Variants in GPC3 observed in about 807,000 individuals in gnomAD.
GPC3 encodes glypican-3.
A neutral mutation model predicts 34.4 loss-of-function variants in GPC3; 3 were observed. The ratio of observed to expected loss-of-function variants is 0.09; its 90% CI spans 0.04 to 0.23. GPC3 has a LOEUF of 0.23. Ranked by LOEUF, GPC3 falls within the 10% of genes least tolerant of loss-of-function variation. GPC3 has a pLI of 1.00. For synonymous variants in GPC3, 177 were observed against 174.0 expected (o/e 1.02, Z -0.13); for missense variants, 351 against 445.6 (o/e 0.79, Z 1.91).
intron 5 of GPC3, among the ~76,000 whole-genome samples, chrX:133,667,925 G>A (rs994667886): frequency 9.4e-6 from 1 of 106,093 alleles, no homozygotes; most frequent in African/African-American, 3.4e-5. Context: ...TTTTTGAGAT[G>A]GAGTCTCGCT....
At chrX:133,983,972 G>A (rs1264445259) in intron 1 of GPC3, among the ~76,000 whole-genome samples, 3 of 113,142 alleles carry the variant, frequency 2.7e-5, no homozygotes, top group Non-Finnish European at 5.6e-5. Flanking sequence ...AGGCTCACTC[G>A]GCTCTTTTCA....
At chrX:133,791,807 T>C in intron 2 of GPC3, among the ~76,000 whole-genome samples, 1 of 16,611 alleles carries the variant, frequency 6.0e-5, no homozygotes, top group African/African-American at 9.7e-5. Context: ...TTTCCTTCCT[T>C]CCTTCCTTCC....
rs1556115807 is a variant in GPC3 at position 133,540,955 on chromosome X, T to TGC, written c.1574-4664_1574-4663dup. Among the ~76,000 whole-genome samples the TGC allele has an allele frequency of 7.6e-3, 747 of 97,901 alleles. 9 individuals are homozygous for TGC. The highest frequency in any genetic ancestry group is 0.027 in the African/African-American group (694 of 26,126). 85.0% of individuals were successfully genotyped at this position (97,901 alleles called of 115,157 possible). A position where few individuals can be genotyped will look rare whatever the true frequency, so the allele number is the denominator to read the frequency against. On this transcript the variant is annotated intron_variant, in intron 7 of 7. Transcript: ENST00000370818. ...GTGTGTGTGTGTGTGTGTGTGTGTGTGCGCGCACTGTGGGGGAAGAGGTGG... is the reference window on the plus strand; with the variant it reads ...GTGTGTGTGTGTGTGTGTGTGTGTGTGCGCGCGCACTGTGGGGGAAGAGGTGG...
rs1478615335 is a variant in GPC3 at position 133,985,402 on chromosome X, G to C, written c.48C>G (p.Leu16=). The stretch of plus-strand genomic sequence containing the variant: ...GCGCCTGTCCCGGGAAGTCCAAGCT[G>C]AGCAGCATCGCCACCACCAAGCACG... ...RTACLVVAML[L]SLDFPGQAQP... is the part of the protein sequence containing the mutation. Residue 16 remains leucine (L), a synonymous_variant, in exon 1 of 8, where the codon CTC becomes CTG. Transcript: ENST00000370818. 1 of 1,188,513 alleles carries C rather than the reference G, an allele frequency of 8.4e-7. No individual in the cohort carries two copies. Among genetic ancestry groups the C allele is most frequent in the East Asian group, 3.1e-5 (1 of 32,598 alleles).
At position 133,800,339 on chromosome X, in the gene GPC3, C is replaced by T. The variant is rs998846712; in HGVS notation, c.338-46163G>A. 5.3e-5 allele frequency among the ~76,000 whole-genome samples: 6 copies of T among 112,487 alleles called. 1 individual carries two copies. The highest frequency in any genetic ancestry group is 1.6e-4 in the African/African-American group (5 of 30,965). ...ATGTCCATTTCTTCAACACAGAGAA[C>T]AAGCAATATTTTGTGAATTCCAGAC... On this transcript the variant is annotated intron_variant, in intron 2 of 7. Coordinates refer to ENST00000370818, the MANE Select transcript of GPC3 (RefSeq NM_004484.4).
chrX:133,763,151 C>T (rs890505856), intron 2 of GPC3: 28 of 729,989 alleles, frequency 3.8e-5, no homozygotes, highest in South Asian at 2.1e-4. Context: ...TTTCAGGAGC[C>T]GCAGCTTCTT....
At chrX:133,548,032 A>G (rs1179211625) in intron 7 of GPC3, among the ~76,000 whole-genome samples, 1 of 111,503 alleles carries the variant, frequency 9.0e-6, no homozygotes, top group Non-Finnish European at 1.9e-5. Flanking sequence ...TGTAACTCAT[A>G]CAAAGGCTGC....
At chrX:133,740,557 C>T (rs2071554754) in intron 3 of GPC3, among the ~76,000 whole-genome samples, 1 of 111,990 alleles carries the variant, frequency 8.9e-6, no homozygotes, top group African/African-American at 3.2e-5. Context: ...CAGGTTGCTA[C>T]AGTCAAGAAA....
At chrX:133,628,293 T>A (rs908425679) in intron 6 of GPC3, among the ~76,000 whole-genome samples, 11 of 112,307 alleles carry the variant, frequency 9.8e-5, no homozygotes, top group African/African-American at 3.6e-4. Flanking sequence ...TAGAGAACCA[T>A]GAAATAAACT....
chrX:133,831,922 T>A (rs2075777152), intron 2 of GPC3, among the ~76,000 whole-genome samples: 1 of 111,882 alleles, frequency 8.9e-6, no homozygotes, highest in African/African-American at 3.3e-5. Context: ...TCTTATGAAG[T>A]AAATACCACC....
At chrX:133,776,762 G>A (rs765720510) in intron 2 of GPC3, among the ~76,000 whole-genome samples, 29 of 110,843 alleles carry the variant, frequency 2.6e-4, no homozygotes, top group Non-Finnish European at 5.1e-4. Flanking sequence ...AATACCTTAT[G>A]ACCTAAGAGA....
intron 4 of GPC3, among the ~76,000 whole-genome samples, chrX:133,693,893 G>A (rs1043745210): frequency 9.0e-6 from 1 of 111,072 alleles, no homozygotes; most frequent in African/African-American, 3.3e-5. Flanking sequence ...AGCCTGGGTT[G>A]GTTCTCCAGG....
At chrX:133,629,657 G>A (rs2070345438) in intron 6 of GPC3, among the ~76,000 whole-genome samples, 1 of 108,977 alleles carries the variant, frequency 9.2e-6, no homozygotes, top group Non-Finnish European at 1.9e-5. Context: ...GCCTCCCAAA[G>A]TGCTGGGATT....
intron 2 of GPC3, among the ~76,000 whole-genome samples, chrX:133,780,822 T>A (rs1192704332): frequency 1.8e-5 from 2 of 111,329 alleles, no homozygotes; most frequent in Non-Finnish European, 3.8e-5. Context: ...AGAACGATGA[T>A]CTTGAGTGCC....
At chrX:133,809,738 C>T (rs1292895403) in intron 2 of GPC3, among the ~76,000 whole-genome samples, 2 of 111,777 alleles carry the variant, frequency 1.8e-5, no homozygotes, top group African/African-American at 6.5e-5. Context: ...ACATTAAGGG[C>T]CCTGTATCAG....
At chrX:133,978,274 C>G (rs1461420532) in intron 1 of GPC3, among the ~76,000 whole-genome samples, 1 of 112,013 alleles carries the variant, frequency 8.9e-6, no homozygotes, top group Non-Finnish European at 1.9e-5. Flanking sequence ...AAGCTTGATG[C>G]CTTAGGTAAG....
At chrX:133,556,153 C>T (rs2069487317) in intron 7 of GPC3, among the ~76,000 whole-genome samples, 1 of 111,242 alleles carries the variant, frequency 9.0e-6, no homozygotes, top group South Asian at 3.8e-4. Flanking sequence ...CTGTTTTGTC[C>T]CCTCTCAAAT....
chrX:133,625,761 T>C (rs1388671863), intron 6 of GPC3, among the ~76,000 whole-genome samples: 3 of 112,036 alleles, frequency 2.7e-5, no homozygotes, highest in Admixed American at 9.5e-5. Flanking sequence ...ATAGATTCAA[T>C]GCCATCCCCA....
At chrX:133,785,147 C>T (rs1486210796) in intron 2 of GPC3, among the ~76,000 whole-genome samples, 1 of 111,402 alleles carries the variant, frequency 9.0e-6, no homozygotes, top group Non-Finnish European at 1.9e-5. Flanking sequence ...TGACAGATAG[C>T]ACTGCTTGAG....
Sources: allele counts gnomAD v4.1 joint callset (sites outside exome capture counted in the v4.1 genomes callset), GRCh38; gene constraint gnomAD v4.1.1; transcripts MANE v1.5; gene names NCBI Gene and HGNC (gene_info 2026-07-23, HGNC 2026-07-21).